The following CTNND2 variants were observed in gnomAD, a reference collection of about 807,000 sequenced individuals.
CTNND2 encodes the protein catenin delta-2.
CTNND2 carries 22 observed loss-of-function variants against 144.4 expected under a neutral mutation model. That is an observed-to-expected ratio of 0.15 (90% CI 0.11 to 0.22). The LOEUF is 0.22. CTNND2 is among the 10% of genes least tolerant of loss of function. The pLI is 1.00. For synonymous variants in CTNND2, 751 were observed against 695.6 expected, an observed-to-expected ratio of 1.08 and a Z score of -1.25; for missense variants, 1,353 against 1,618.8, an observed-to-expected ratio of 0.84 and a Z score of 2.82.
chr5:11,476,603 T>C (rs1767765337), intron 3 of CTNND2, among the ~76,000 whole-genome samples: 1 of 152,160 alleles, frequency 6.6e-6, no homozygotes, highest in Non-Finnish European at 1.5e-5. Context: ...CAAGTTTCTC[T>C]TGCAGTAATA....
At chr5:10,981,668 T>C in intron 21 of CTNND2, 105 bp downstream of exon 21, 1 of 1,152,856 alleles carries the variant, frequency 8.7e-7, no homozygotes, top group Non-Finnish European at 1.3e-6. Context: ...TGCCTTCTTT[T>C]TCAGTTCTTT....
At chr5:11,002,950 G>C (rs1036232984) in intron 18 of CTNND2, among the ~76,000 whole-genome samples, 1 of 152,054 alleles carries the variant, frequency 6.6e-6, no homozygotes, top group Non-Finnish European at 1.5e-5. Flanking sequence ...TTTCTACTGG[G>C]GATATTAATT....
chr5:11,140,821 TA>T (rs1193978294), intron 12 of CTNND2, among the ~76,000 whole-genome samples: 2 of 152,210 alleles, frequency 1.3e-5, no homozygotes, highest in Admixed American at 1.3e-4. Context: ...CTAGATTTAT[TA>T]AAAAAACAAT....
At chr5:11,492,723 C>A (rs1769547332) in intron 3 of CTNND2, among the ~76,000 whole-genome samples, 1 of 151,592 alleles carries the variant, frequency 6.6e-6, no homozygotes, top group African/African-American at 2.4e-5. Context: ...AATATATATT[C>A]ATTAATAGAT....
In CTNND2 at chr5:11,438,855, A is replaced by G. The variant is rs559322363; in HGVS notation, c.288-26786T>C. Among the ~76,000 whole-genome samples the G allele has an allele frequency of 1.3e-5, 2 of 152,266 alleles. 1 individual carries two copies. Among genetic ancestry groups the G allele is most frequent in the South Asian group, 4.1e-4 (2 of 4,826 alleles). ...CCTAAGGGACTTACTTCTTTTATGG[A>G]AAGTCTAAACTACATGGCATTCTCC... On this transcript the variant is annotated intron_variant, in intron 3 of 21. Coordinates refer to ENST00000304623, the MANE Select transcript of CTNND2 (RefSeq NM_001332.4).
intron 2 of CTNND2, among the ~76,000 whole-genome samples, chr5:11,716,852 A>T (rs1382058102): frequency 6.6e-6 from 1 of 151,750 alleles, no homozygotes; most frequent in East Asian, 1.9e-4. Flanking sequence ...ATGCCCAGCT[A>T]AGTTTTGTGT....
intron 5 of CTNND2, among the ~76,000 whole-genome samples, chr5:11,401,040 T>C (rs979981698): frequency 6.6e-6 from 1 of 152,268 alleles, no homozygotes; most frequent in African/African-American, 2.4e-5. Context: ...GCTTCTCCAG[T>C]GAACTGCTGC....
intron 2 of CTNND2, among the ~76,000 whole-genome samples, chr5:11,667,559 ATCT>A (rs1445819493): frequency 6.6e-6 from 1 of 152,086 alleles, no homozygotes; most frequent in Non-Finnish European, 1.5e-5. Flanking sequence ...CTGCATAAAA[ATCT>A]TCTTTTGAAA....
At chr5:11,586,850 A>T (rs779567026) in intron 2 of CTNND2, among the ~76,000 whole-genome samples, 24 of 152,064 alleles carry the variant, frequency 1.6e-4, no homozygotes, top group Non-Finnish European at 3.1e-4. Context: ...TTTTTTTATT[A>T]TGTTTGACTC....
intron 1 of CTNND2, among the ~76,000 whole-genome samples, chr5:11,746,943 G>T (rs12653343): frequency 0.98 from 148,982 of 152,272 alleles, 72,954 homozygotes; most frequent in East Asian, 1. Flanking sequence ...TAAGTATATA[G>T]CTATAAAAAT....
chr5:11,633,582 C>T (rs1284315518), intron 2 of CTNND2, among the ~76,000 whole-genome samples: 2 of 152,104 alleles, frequency 1.3e-5, no homozygotes, highest in Non-Finnish European at 1.5e-5. Flanking sequence ...TCGAGACAAC[C>T]ATGGCCAACA....
intron 10 of CTNND2, among the ~76,000 whole-genome samples, chr5:11,233,135 C>T (rs577425273): frequency 2.0e-5 from 3 of 152,224 alleles, no homozygotes; most frequent in African/African-American, 7.2e-5. Context: ...GGTATTTCTT[C>T]ATAGCAGCAT....
chr5:11,283,394 G>A (rs997799684), intron 9 of CTNND2, among the ~76,000 whole-genome samples: 3 of 152,000 alleles, frequency 2.0e-5, no homozygotes, highest in Admixed American at 6.6e-5. Context: ...GGAGGGAATC[G>A]GCTGGGCGCA....
At chr5:11,296,890 G>A (rs777573164) in intron 9 of CTNND2, among the ~76,000 whole-genome samples, 58 of 152,216 alleles carry the variant, frequency 3.8e-4, no homozygotes, top group Non-Finnish European at 7.4e-4. Flanking sequence ...GTTAAATGAC[G>A]AGTTAATGGG....
intron 2 of CTNND2, among the ~76,000 whole-genome samples, chr5:11,642,368 A>T (rs554865284): frequency 1.3e-5 from 2 of 152,316 alleles, no homozygotes; most frequent in East Asian, 3.9e-4. Context: ...TTTAAAAAGG[A>T]ATCATAGAAC....
chr5:11,758,712 C>T lies in CTNND2; in HGVS notation c.38-26440G>A, dbSNP rs75685973. ...AAACAGGTTTAAATTATCATATTCC[C>T]AGTCTAAAAATAATATTTAACATTT... On this transcript the variant is annotated intron_variant, in intron 1 of 21. Transcript: ENST00000304623. Among the ~76,000 whole-genome samples, 314 of 152,058 alleles carry T rather than the reference C, an allele frequency of 2.1e-3. 5 individuals carry two copies. In the East Asian group the frequency reaches 0.043, roughly 21 times the overall value.
intron 8 of CTNND2, among the ~76,000 whole-genome samples, chr5:11,357,860 A>T (rs962769111): frequency 5.3e-5 from 8 of 152,138 alleles, no homozygotes; most frequent in African/African-American, 7.2e-5. Flanking sequence ...GTAATTTTTT[A>T]AAATTTGAGA....
intron 3 of CTNND2, among the ~76,000 whole-genome samples, chr5:11,458,378 G>A (rs949507817): frequency 6.6e-5 from 10 of 152,216 alleles, no homozygotes; most frequent in Admixed American, 6.5e-4. Context: ...GATGGATTCA[G>A]AGTAAGTGTG....
At chr5:11,003,980 A>T (rs1740216749) in intron 18 of CTNND2, among the ~76,000 whole-genome samples, 1 of 152,208 alleles carries the variant, frequency 6.6e-6, no homozygotes, top group Non-Finnish European at 1.5e-5. Context: ...CTGTTTTAGG[A>T]ATTCAATTTA....
Sources: allele counts gnomAD v4.1 joint callset (sites outside exome capture counted in the v4.1 genomes callset), GRCh38; gene constraint gnomAD v4.1.1; transcripts MANE v1.5; gene names NCBI Gene and HGNC (gene_info 2026-07-23, HGNC 2026-07-21).